The following MTUS2 variants were observed in gnomAD, a reference collection of about 807,000 sequenced individuals.
MTUS2 encodes the protein microtubule associated scaffold protein 2.
In MTUS2, 40 loss-of-function variants were observed where a neutral mutation model predicts 114.1. The ratio of observed to expected loss-of-function variants is 0.35; its 90% confidence interval spans 0.27 to 0.46. The LOEUF is 0.46. Ranked by LOEUF, MTUS2 falls within the 20% of genes least tolerant of loss-of-function variation. The pLI is 1.00. For synonymous variants in MTUS2, 688 were observed against 672.0 expected (o/e 1.02, Z -0.37); for missense variants, 1,679 against 1,705.4 (o/e 0.98, Z 0.27).
intron 7 of MTUS2, among the ~76,000 whole-genome samples, chr13:29,331,206 T>A (rs1405285860): frequency 6.6e-6 from 1 of 152,204 alleles, no homozygotes; most frequent in Non-Finnish European, 1.5e-5. Flanking sequence ...CAATTGTGAA[T>A]GGGAGTTCAC....
At chr13:29,193,952 T>C (rs1379660174) in intron 5 of MTUS2, among the ~76,000 whole-genome samples, 7 of 152,016 alleles carry the variant, frequency 4.6e-5, no homozygotes, top group Non-Finnish European at 1.0e-4. Context: ...TATCTACAAA[T>C]ATCTGATCTT....
chr13:29,078,228 G>A (rs1889285137), intron 4 of MTUS2, among the ~76,000 whole-genome samples: 1 of 152,038 alleles, frequency 6.6e-6, no homozygotes, highest in Admixed American at 6.6e-5. Flanking sequence ...ATTAGCTTCT[G>A]GATTTATTTA....
At chr13:29,023,439 T>C (rs763344134) in intron 2 of MTUS2, among the ~76,000 whole-genome samples, 62 of 152,202 alleles carry the variant, frequency 4.1e-4, no homozygotes, top group Non-Finnish European at 6.9e-4. Flanking sequence ...TTTCTCTCTT[T>C]TACTCTTTCT....
chr13:28,935,017 T>TG (rs1881823630), intron 2 of MTUS2, among the ~76,000 whole-genome samples: 3 of 145,584 alleles, frequency 2.1e-5, no homozygotes, highest in African/African-American at 7.8e-5. Flanking sequence ...TTTTTTTTTT[T>TG]TTTTTTTTTT....
At chr13:29,247,785 T>C in intron 5 of MTUS2, among the ~76,000 whole-genome samples, 1 of 152,208 alleles carries the variant, frequency 6.6e-6, no homozygotes, top group Non-Finnish European at 1.5e-5. Flanking sequence ...AAGGGAACAC[T>C]TGAATACTGC....
intron 8 of MTUS2, among the ~76,000 whole-genome samples, chr13:29,432,078 T>C (rs1877039102): frequency 6.6e-6 from 1 of 150,974 alleles, no homozygotes; most frequent in Non-Finnish European, 1.5e-5. Context: ...GTCTCAAACT[T>C]TTTGGCTCAA....
intron 8 of MTUS2, among the ~76,000 whole-genome samples, chr13:29,405,324 C>A (rs1040903984): frequency 5.3e-5 from 8 of 152,174 alleles, no homozygotes; most frequent in Admixed American, 4.6e-4. Flanking sequence ...AAACAGCATT[C>A]TTCAACTTTC....
At chr13:29,013,630 A>G (rs138665426) in intron 2 of MTUS2, among the ~76,000 whole-genome samples, 1 of 152,348 alleles carries the variant, frequency 6.6e-6, no homozygotes, top group East Asian at 1.9e-4. Context: ...ACAAGGAACT[A>G]AAAAGGAAAT....
intron 4 of MTUS2, among the ~76,000 whole-genome samples, chr13:29,087,784 TGCAGTGGCTCACGCCTGTAATCCCG>T (rs1334123571): frequency 6.6e-6 from 1 of 152,088 alleles, no homozygotes; most frequent in Non-Finnish European, 1.5e-5. Context: ...TCTGGCCAGG[TGCAGTGGCTCACGCCTGTAATCCCG>T]GCACTCTGGT....
intron 5 of MTUS2, chr13:29,240,177 C>G (rs1481897217): frequency 6.6e-6 from 1 of 152,146 alleles, no homozygotes; most frequent in Non-Finnish European, 1.5e-5. Context: ...TAAACAGACA[C>G]ATGGATGCCA....
At chr13:29,106,016 A>C (rs897676736) in intron 5 of MTUS2, among the ~76,000 whole-genome samples, 4 of 152,108 alleles carry the variant, frequency 2.6e-5, no homozygotes, top group Non-Finnish European at 4.4e-5. Flanking sequence ...CTAAGCCTAC[A>C]TATTTGAGCT....
chr13:29,129,856 G>A (rs990992213), intron 5 of MTUS2, among the ~76,000 whole-genome samples: 9 of 152,108 alleles, frequency 5.9e-5, no homozygotes, highest in African/African-American at 9.7e-5. Flanking sequence ...AAAGAATGGT[G>A]GGGGCAGGGT....
chr13:28,835,132 TAAC>T (rs1243865872), intron 1 of MTUS2, among the ~76,000 whole-genome samples: 1 of 152,076 alleles, frequency 6.6e-6, no homozygotes, highest in East Asian at 1.9e-4. Flanking sequence ...AGGCATAGAG[TAAC>T]AACATGACCC....
chr13:29,259,163 C>G (rs969862828), intron 5 of MTUS2, among the ~76,000 whole-genome samples: 1 of 152,112 alleles, frequency 6.6e-6, no homozygotes, highest in Non-Finnish European at 1.5e-5. Context: ...AGGGTGGGGG[C>G]GGAGAGTGGA....
intron 2 of MTUS2, among the ~76,000 whole-genome samples, chr13:29,016,314 C>T (rs911924052): frequency 6.7e-6 from 1 of 150,174 alleles, no homozygotes; most frequent in Non-Finnish European, 1.5e-5. Context: ...GGAATGAATG[C>T]TCTTTATTTT....
chr13:29,262,332 C>T (rs998472012), intron 5 of MTUS2, among the ~76,000 whole-genome samples: 2 of 152,186 alleles, frequency 1.3e-5, no homozygotes, highest in East Asian at 3.9e-4. Flanking sequence ...ATTTGGGCCT[C>T]CTTTCTCTTT....
Position 29,025,379 on chromosome 13 carries a change from A to T in MTUS2, c.681A>T (p.Ala227=). The T allele has an allele frequency of 6.2e-7, 1 of 1,613,900 alleles. No individual in the cohort carries two copies. Among genetic ancestry groups the T allele is most frequent in the Non-Finnish European group, 8.5e-7 (1 of 1,179,878 alleles). ...QKTLPDHAVP[A]AFPATDSTSE... is the part of the protein sequence containing the mutation. ...CATTGCCAGACCACGCTGTCCCGGC[A>T]GCTTTCCCTGCAACTGACAGTACCT... The change falls in exon 3 of 16, where the codon GCA becomes GCT. Residue 227 remains alanine, a synonymous_variant. Transcript: ENST00000612955.
chr13:29,288,592 T>G (rs1227265039), intron 6 of MTUS2, among the ~76,000 whole-genome samples: 2 of 152,084 alleles, frequency 1.3e-5, no homozygotes, highest in African/African-American at 4.8e-5. Context: ...GAGCCAGGCC[T>G]GTTAGGTGGT....
chr13:28,872,057 G>C (rs1404386351), intron 2 of MTUS2, among the ~76,000 whole-genome samples: 1 of 152,222 alleles, frequency 6.6e-6, no homozygotes, highest in Non-Finnish European at 1.5e-5. Flanking sequence ...TGTAGGAAGA[G>C]AGGGAAGCAT....
Sources: allele counts gnomAD v4.1 joint callset (sites outside exome capture counted in the v4.1 genomes callset), GRCh38; gene constraint gnomAD v4.1.1; transcripts MANE v1.5; gene names NCBI Gene and HGNC (gene_info 2026-07-23, HGNC 2026-07-21).